NBPF12: variants seen among roughly 807,000 people sequenced by gnomAD.
The protein encoded by NBPF12 is NBPF family member NBPF12.
A neutral mutation model predicts 146.4 loss-of-function variants in NBPF12; 115 were observed. That is an observed-to-expected ratio of 0.79 (90% confidence interval 0.68 to 0.92). NBPF12 has a LOEUF of 0.92. Ranked by LOEUF, NBPF12 falls within the 40% of genes least tolerant of loss-of-function variation. The probability of loss-of-function intolerance (pLI) is 0.00; values close to 1 mark genes in which losing one functional copy is unlikely to be tolerated. For missense variants in NBPF12, 1,205 were observed against 1,326.8 expected (o/e 0.91, Z 1.43); for synonymous variants, 385 against 508.9 (o/e 0.76, Z 3.28).
chr1:146,965,452 A>T (rs1182528979), intron 8 of NBPF12, among the ~76,000 whole-genome samples: 6 of 144,100 alleles, frequency 4.2e-5, no homozygotes, highest in African/African-American at 1.5e-4. Context: ...CACTTCTGTC[A>T]GGCTAGACTC....
intron 10 of NBPF12, 78 bp from the exon 14 acceptor site, chr1:146,969,304 C>T (rs1656424804): frequency 4.3e-6 from 3 of 694,348 alleles, no homozygotes; most frequent in Non-Finnish European, 5.1e-6. Context: ...GACATTGTCT[C>T]AGAAATCTCT....
intron 1 of NBPF12, among the ~76,000 whole-genome samples, chr1:146,950,792 C>G (rs1279811126): frequency 2.6e-5 from 4 of 151,968 alleles, no homozygotes; most frequent in Non-Finnish European, 4.4e-5. Context: ...TATTTGAATA[C>G]AAGAATGTAT....
intron 13 of NBPF12, among the ~76,000 whole-genome samples, chr1:146,972,192 C>T (rs1341492832): frequency 3.3e-5 from 5 of 150,814 alleles, no homozygotes; most frequent in East Asian, 1.9e-4. Flanking sequence ...GTCAGGAGTT[C>T]GAAACCAGCC....
chr1:146,974,764 A>C, exon 15 of NBPF12: 1 of 963,526 alleles, frequency 1.0e-6, no homozygotes, highest in South Asian at 1.6e-5. Context: ...AAGACCTCCT[A>C]AAATCTATGC....
In NBPF12 at chr1:146,974,873, G is replaced by A. The variant is rs1656879389; in HGVS notation, c.1904+32G>A. ...GGACCCCATGGGGGCAGACAGGGGGGCAGGTGTGTAAATCTCTGAAGTACA... is the reference window on the plus strand; with the variant it reads ...GGACCCCATGGGGGCAGACAGGGGGACAGGTGTGTAAATCTCTGAAGTACA... On this transcript the variant is annotated intron_variant, in intron 15 of 33. Coordinates refer to ENST00000617844, the Ensembl canonical transcript of NBPF12. 13 of 1,241,676 alleles carry A rather than the reference G, an allele frequency of 1.0e-5. 3 individuals are homozygous for A. Among genetic ancestry groups the A allele is most frequent in the Middle Eastern group, 2.8e-4 (1 of 3,578 alleles). 76.9% of individuals were successfully genotyped at this position (1,241,676 alleles called of 1,614,324 possible). A position where few individuals can be genotyped will look rare whatever the true frequency, so the allele number is the denominator to read the frequency against.
rs1656587761 is a variant in NBPF12 at position 146,971,177 on chromosome 1, C to T, written c.1380-6C>T. 6.2e-7 allele frequency: 1 copy of T among 1,611,072 alleles called. No individual in the cohort carries two copies. The highest frequency in any genetic ancestry group is 1.7e-5 in the Admixed American group (1 of 59,940). On this transcript the variant is annotated splice_polypyrimidine_tract_variant and splice_region_variant and intron_variant, in intron 12 of 33. Transcript: ENST00000617844. The stretch of plus-strand genomic sequence containing the variant: ...TCTGTCATCTCTGTCCCACCTGGCT[C>T]ATCAGGGAGATGCAGAAGGCTGAAG...
At chr1:146,940,268 T>C (rs1360715191) in intron 1 of NBPF12, among the ~76,000 whole-genome samples, 1 of 151,888 alleles carries the variant, frequency 6.6e-6, no homozygotes, top group African/African-American at 2.4e-5. Context: ...AAAGAAATCT[T>C]CGAAAAGTTA....
At chr1:146,953,790 G>A (rs1655430563) in intron 2 of NBPF12, among the ~76,000 whole-genome samples, 1 of 148,120 alleles carries the variant, frequency 6.8e-6, no homozygotes, top group African/African-American at 2.5e-5. Flanking sequence ...TAGAATACCT[G>A]TTGTTACTCT....
At chr1:146,940,072 C>T (rs1654727988) in intron 1 of NBPF12, among the ~76,000 whole-genome samples, 1 of 151,916 alleles carries the variant, frequency 6.6e-6, no homozygotes, top group Non-Finnish European at 1.5e-5. Flanking sequence ...GAATGAATCC[C>T]ACTGCTTCAC....
chr1:146,989,527 A>G (rs61804749), intron 27 of NBPF12, 47 bp from the exon 31 acceptor site: 522,951 of 1,144,422 alleles, frequency 0.46, 109,821 homozygotes, highest in East Asian at 0.68. Flanking sequence ...GGGCTGTGTG[A>G]TTTCTGATTC....
rs1256276888 is a variant in NBPF12 at position 146,962,543 on chromosome 1, CA to C, written c.278+281del. Among the ~76,000 whole-genome samples the C allele has an allele frequency of 3.9e-3, 593 of 151,916 alleles. 5 individuals carry two copies. Among genetic ancestry groups the C allele is most frequent in the African/African-American group, 0.013 (554 of 41,298 alleles). ...CACCAAAGGAGTGGGAACCACCTAG[CA>C]GCATTCAGTATACTCAAAATGGTGT... On this transcript the variant is annotated intron_variant, in intron 5 of 33. Transcript: ENST00000617844.
rs1446906654 is a variant in NBPF12 at position 146,966,857 on chromosome 1, T to G, written c.988+184T>G. Among the ~76,000 whole-genome samples the G allele has an allele frequency of 1.3e-5, 2 of 149,670 alleles. 1 individual carries two copies. The highest frequency in any genetic ancestry group is 5.0e-5 in the African/African-American group (2 of 39,630). ...GAGGTACCAAAGTATTTAGCAACTT[T>G]CCATGTTTGCAATCAGGTGGGGGTG... On this transcript the variant is annotated intron_variant, in intron 9 of 33. Coordinates refer to ENST00000617844, the Ensembl canonical transcript of NBPF12.
exon 34 of NBPF12, chr1:146,994,913 G>A (rs1280511477): frequency 1.0e-5 from 4 of 398,346 alleles, no homozygotes; most frequent in East Asian, 1.1e-4. Flanking sequence ...ACCTACTCAA[G>A]GTCAGTGTCA....
chr1:146,971,064 C>T, intron 12 of NBPF12, 119 bp from the exon 16 acceptor site: 2 of 1,526,522 alleles, frequency 1.3e-6, no homozygotes. Context: ...AAGGGAACCT[C>T]CATTTTGCTT....
chr1:146,939,035 C>A (rs1654657634), intron 1 of NBPF12, 23 bp downstream of exon 1: 1 of 152,196 alleles, frequency 6.6e-6, no homozygotes, highest in Admixed American at 6.5e-5. Context: ...CCTGCGGGCG[C>A]ACAGCTGGGC....
intron 31 of NBPF12, among the ~76,000 whole-genome samples, chr1:146,992,404 G>A (rs1310090523): frequency 8.6e-4 from 118 of 136,954 alleles, no homozygotes; most frequent in African/African-American, 3.4e-3. Flanking sequence ...TCCCTCATCA[G>A]TGTGTCACCT....
At chr1:146,944,285 G>A (rs1452077075) in intron 2 of NBPF12, among the ~76,000 whole-genome samples, 4 of 136,816 alleles carry the variant, frequency 2.9e-5, no homozygotes, top group Non-Finnish European at 4.7e-5. Flanking sequence ...GTAAATCTCA[G>A]GTCACTACCC....
intron 15 of NBPF12, among the ~76,000 whole-genome samples, chr1:146,975,325 A>G (rs1418450338): frequency 5.2e-5 from 7 of 134,438 alleles, no homozygotes; most frequent in East Asian, 2.5e-4. Context: ...TTTGTATCTA[A>G]TGGCCGCAAG....
intron 1 of NBPF12, among the ~76,000 whole-genome samples, chr1:146,950,741 TGATA>T (rs1438004366): frequency 6.6e-6 from 1 of 152,140 alleles, no homozygotes; most frequent in Non-Finnish European, 1.5e-5. Context: ...ATTCTTGTAT[TGATA>T]GATATTTGAA....
Sources: allele counts gnomAD v4.1 joint callset (sites outside exome capture counted in the v4.1 genomes callset), GRCh38; gene constraint gnomAD v4.1.1; transcripts MANE v1.5; gene names NCBI Gene and HGNC (gene_info 2026-07-23, HGNC 2026-07-21).